Variants in ASB3 observed in about 807,000 individuals in gnomAD.
ASB3 encodes the protein ankyrin repeat and SOCS box protein 3.
In ASB3, 41 loss-of-function variants were observed where a neutral mutation model predicts 54.5. That is an observed-to-expected ratio of 0.75 (90% CI 0.59 to 0.98). The LOEUF (loss-of-function observed/expected upper bound fraction) is 0.98, where lower values mean the gene tolerates loss of function less well. Ranked by LOEUF, ASB3 falls within the 50% of genes least tolerant of loss-of-function variation. ASB3 has a pLI of 0.00. For synonymous variants in ASB3, 266 were observed against 221.2 expected, an observed-to-expected ratio of 1.20 and a Z score of -1.80; for missense variants, 733 against 620.0, an observed-to-expected ratio of 1.18 and a Z score of -1.94.
chr2:53,712,176 A>T (rs1473630047), intron 7 of ASB3, among the ~76,000 whole-genome samples: 1 of 152,112 alleles, frequency 6.6e-6, no homozygotes, highest in Non-Finnish European at 1.5e-5. Context: ...AGCAGAAAAA[A>T]ATAGGAACCT....
At chr2:53,700,859 C>G (rs553421623) in intron 7 of ASB3, among the ~76,000 whole-genome samples, 2 of 152,300 alleles carry the variant, frequency 1.3e-5, no homozygotes, top group East Asian at 3.9e-4. Flanking sequence ...CTACAAAATA[C>G]TTTGCTTAAC....
At chr2:53,728,081 CATCAA>C (rs1671107439) in intron 5 of ASB3, among the ~76,000 whole-genome samples, 1 of 152,030 alleles carries the variant, frequency 6.6e-6, no homozygotes, top group African/African-American at 2.4e-5. Context: ...ATTCACGCTT[CATCAA>C]GTTAGCACTG....
chr2:53,674,092 C>T (rs1303265010), intron 9 of ASB3, among the ~76,000 whole-genome samples: 1 of 152,154 alleles, frequency 6.6e-6, no homozygotes, highest in African/African-American at 2.4e-5. Context: ...TGCCACTAGG[C>T]TAGAAGATCA....
In ASB3 at chr2:53,765,477, C is replaced by A; in HGVS notation, c.96G>T (p.Lys32Asn). The change falls in exon 2 of 10, where the codon AAG becomes AAT. Residue 32 changes from lysine (K) to asparagine (N), a missense_variant. Coordinates refer to ENST00000263634, the MANE Select transcript of ASB3 (RefSeq NM_016115.5). Reference protein sequence around the residue: ...NVKVLRKLLKKGRSVDVADNR... With the variant: ...NVKVLRKLLKNGRSVDVADNR... ...TATCAGCAACATCGACACTTCGGCC[C>A]TTTTTGAGCAGTTTCCTTAAGACTT... is the stretch of plus-strand genomic sequence containing the variant. 1 of 1,614,204 alleles carries A rather than the reference C, an allele frequency of 6.2e-7. No homozygotes were observed. The highest frequency in any genetic ancestry group is 1.1e-5 in the South Asian group (1 of 91,086).
At chr2:53,725,222 G>C (rs1272867783) in intron 5 of ASB3, among the ~76,000 whole-genome samples, 2 of 152,186 alleles carry the variant, frequency 1.3e-5, no homozygotes, top group Non-Finnish European at 2.9e-5. Flanking sequence ...CTTATAAGTG[G>C]AGGCTAAACA....
chr2:53,782,461 C>T (rs887145166), intron 1 of ASB3, among the ~76,000 whole-genome samples: 1 of 152,006 alleles, frequency 6.6e-6, no homozygotes, highest in Admixed American at 6.6e-5. Context: ...AGAGGAAGGA[C>T]GTAGGACTAA....
At chr2:53,709,546 G>A (rs1033049230) in intron 7 of ASB3, among the ~76,000 whole-genome samples, 5 of 152,204 alleles carry the variant, frequency 3.3e-5, no homozygotes, top group African/African-American at 1.2e-4. Context: ...ATGAAGGCTG[G>A]AGGTGGAAAG....
intron 1 of ASB3, among the ~76,000 whole-genome samples, chr2:53,782,109 T>C (rs1674681714): frequency 6.6e-6 from 1 of 152,104 alleles, no homozygotes. Context: ...CCCCAGAGGT[T>C]GGGATGGCAG....
At chr2:53,743,281 A>T (rs1672036773) in intron 3 of ASB3, among the ~76,000 whole-genome samples, 1 of 151,106 alleles carries the variant, frequency 6.6e-6, no homozygotes. Context: ...CTGGGAATAC[A>T]CGCGTGAGCA....
chr2:53,701,129 A>G (rs13382257), intron 7 of ASB3, among the ~76,000 whole-genome samples: 13,088 of 152,178 alleles, frequency 0.086, 678 homozygotes, highest in African/African-American at 0.14. Flanking sequence ...ACATGCCACC[A>G]TGCCTGGCTA....
At chr2:53,735,212 G>A (rs12621557) in intron 3 of ASB3, among the ~76,000 whole-genome samples, 11,771 of 151,934 alleles carry the variant, frequency 0.077, 507 homozygotes, top group East Asian at 0.17. Flanking sequence ...GAGCCACCAC[G>A]CCCGGCCTAT....
At chr2:53,771,959 C>A (rs1553383559) in intron 1 of ASB3, 1 of 1,373,584 alleles carries the variant, frequency 7.3e-7, no homozygotes, top group South Asian at 1.4e-5. Flanking sequence ...TATAAATATT[C>A]TTTTTTGTAT....
chr2:53,751,826 A>G (rs987571071), intron 2 of ASB3, among the ~76,000 whole-genome samples: 2 of 152,244 alleles, frequency 1.3e-5, no homozygotes, highest in East Asian at 3.8e-4. Context: ...TTCTAAGTAC[A>G]TATATTCAAA....
chr2:53,683,627 A>T (rs1668493082), intron 9 of ASB3, among the ~76,000 whole-genome samples: 1 of 151,962 alleles, frequency 6.6e-6, no homozygotes, highest in Non-Finnish European at 1.5e-5. Flanking sequence ...TTTGCTGGGA[A>T]ATTTTTATTA....
Position 53,670,210 on chromosome 2 carries a change from A to C in ASB3, c.*293T>G. ...TAGCAAAATAAAGCAGAAAATGATC[A>C]AAATGATCAGGTAAATAAATATTAC... On this transcript the variant is annotated 3_prime_UTR_variant, in exon 10 of 10. Coordinates refer to ENST00000263634, the MANE Select transcript of ASB3 (RefSeq NM_016115.5). 4.4e-6 allele frequency: 1 copy of C among 228,030 alleles called. No homozygotes were observed. The highest frequency in any genetic ancestry group is 8.4e-6 in the Non-Finnish European group (1 of 118,822). The allele number at this position is 228,030 out of a possible 1,614,324, so 14.1% of individuals were successfully genotyped here.
intron 3 of ASB3, among the ~76,000 whole-genome samples, chr2:53,732,627 T>G (rs1671383758): frequency 6.6e-6 from 1 of 152,226 alleles, no homozygotes; most frequent in Non-Finnish European, 1.5e-5. Context: ...TTTTTAACCT[T>G]ATGATGCAAG....
chr2:53,717,569 A>C (rs1670468867), intron 5 of ASB3, among the ~76,000 whole-genome samples: 1 of 152,194 alleles, frequency 6.6e-6, no homozygotes, highest in African/African-American at 2.4e-5. Flanking sequence ...AATTACAAAA[A>C]TTAGAAGTGT....
intron 3 of ASB3, among the ~76,000 whole-genome samples, chr2:53,734,781 T>C (rs1671520600): frequency 6.6e-6 from 1 of 152,208 alleles, no homozygotes; most frequent in South Asian, 2.1e-4. Context: ...AACAGCACTG[T>C]TGTGGTGTTA....
chr2:53,720,138 CAAA>C (rs199786882), intron 5 of ASB3, among the ~76,000 whole-genome samples: 29 of 141,088 alleles, frequency 2.1e-4, no homozygotes, highest in East Asian at 8.1e-4. Flanking sequence ...ATCAGAAACT[CAAA>C]AAAAAAAAAA....
Sources: gnomAD v4.1 joint callset for allele counts (sites outside exome capture counted in the v4.1 genomes callset) on GRCh38, gnomAD v4.1.1 for gene constraint, MANE v1.5 for transcripts, NCBI Gene and HGNC (gene_info 2026-07-23, HGNC 2026-07-21) for gene names.